Variants in TMOD1 observed in about 807,000 individuals in gnomAD.
The protein encoded by TMOD1 is tropomodulin 1, also known as tropomodulin-1.
In TMOD1, 17 loss-of-function variants were observed where a neutral mutation model predicts 40.6. The ratio of observed to expected loss-of-function variants is 0.42; its 90% CI spans 0.29 to 0.63. TMOD1 has a LOEUF of 0.63. Ranked by LOEUF, TMOD1 falls within the 20% of genes least tolerant of loss-of-function variation. The pLI, the probability that TMOD1 is intolerant of heterozygous loss-of-function variation, is 0.22. For missense variants in TMOD1, 391 were observed against 447.6 expected (o/e 0.87, Z 1.14); for synonymous variants, 181 against 175.0 (o/e 1.03, Z -0.27).
intron 9 of TMOD1, among the ~76,000 whole-genome samples, chr9:97,598,817 C>G (rs1361769346): frequency 6.6e-6 from 1 of 152,066 alleles, no homozygotes. Flanking sequence ...GACTTTTTTT[C>G]CCTCCACCAT....
chr9:97,535,000 G>A (rs1288176010), intron 2 of TMOD1, among the ~76,000 whole-genome samples: 2 of 152,218 alleles, frequency 1.3e-5, no homozygotes, highest in African/African-American at 4.8e-5. Flanking sequence ...GGAATATGGA[G>A]CAGCCTGGAG....
intron 2 of TMOD1, among the ~76,000 whole-genome samples, chr9:97,535,104 G>T (rs1254981556): frequency 6.6e-6 from 1 of 152,188 alleles, no homozygotes; most frequent in Non-Finnish European, 1.5e-5. Context: ...AGCTCTTCAT[G>T]CCTGGCTGAT....
In TMOD1 at chr9:97,562,805, C is replaced by T; in HGVS notation, c.471C>T (p.Asn157=). The T allele has an allele frequency of 6.3e-7, 1 of 1,584,742 alleles. No homozygotes were observed. The highest frequency in any genetic ancestry group is 8.6e-7 in the Non-Finnish European group (1 of 1,169,250). The change falls in exon 5 of 10, where the codon AAC becomes AAT. Residue 157 remains asparagine, a synonymous_variant. Coordinates refer to ENST00000259365, the MANE Select transcript of TMOD1 (RefSeq NM_003275.4). ...YQALSSSSIM[N]KEGLNSVIKP... ...CCCTGAGCAGCAGCTCCATCATGAA[C>T]AAGGAGGGGCTCAACAGTGAGTATG...
At chr9:97,580,018 G>A (rs1825708688) in intron 8 of TMOD1, among the ~76,000 whole-genome samples, 1 of 152,146 alleles carries the variant, frequency 6.6e-6, no homozygotes, top group African/African-American at 2.4e-5. Context: ...AGATAAACAG[G>A]CCGAGTAAGG....
At position 97,594,680 on chromosome 9, in the gene TMOD1, G is replaced by A. The variant is rs373748405; in HGVS notation, c.1015+3245G>A. 2.2e-4 allele frequency among the ~76,000 whole-genome samples: 33 copies of A among 152,342 alleles called. No individual in the cohort carries two copies. In the South Asian group the frequency reaches 6.6e-3, roughly 31 times the overall value. On this transcript the variant is annotated intron_variant, in intron 9 of 9. Coordinates refer to ENST00000259365, the MANE Select transcript of TMOD1 (RefSeq NM_003275.4). ...AGGCGGTATGCCCAGGATGCATCCT[G>A]ACCAGTGCGTCTTCGGTCCTCCCCA...
intron 7 of TMOD1, 83 bp from the exon 8 acceptor site, chr9:97,568,811 G>A (rs1051918009): frequency 6.6e-7 from 1 of 1,508,844 alleles, no homozygotes. Context: ...TGTTCCCCTA[G>A]GTGTCTTAGG....
At chr9:97,509,473 G>A (rs1398363345) in intron 1 of TMOD1, among the ~76,000 whole-genome samples, 1 of 147,330 alleles carries the variant, frequency 6.8e-6, no homozygotes, top group Non-Finnish European at 1.5e-5. Context: ...CGTTTTGGGG[G>A]TTTTGGGTTT....
At position 97,546,235 on chromosome 9, in the gene TMOD1, G is replaced by A. The variant is rs182994004; in HGVS notation, c.171G>A (p.Ala57=). The A allele has an allele frequency of 4.3e-5, 70 of 1,613,918 alleles. No homozygotes were observed. Among genetic ancestry groups the A allele is most frequent in the Admixed American group, 4.3e-4 (26 of 59,986 alleles). ...GLRQKDQTTK[A]PTGPFKREEL... is the part of the protein sequence containing the mutation. ...GGCAGAAGGATCAGACCACCAAGGCGCCCACGGGCCCCTTTAAAAGAGAGG... is the reference window on the plus strand; with the variant it reads ...GGCAGAAGGATCAGACCACCAAGGCACCCACGGGCCCCTTTAAAAGAGAGG... The change falls in exon 3 of 10, where the codon GCG becomes GCA. Residue 57 remains alanine (A), a synonymous_variant. Transcript: ENST00000259365.
intron 2 of TMOD1, among the ~76,000 whole-genome samples, chr9:97,536,339 G>A (rs1025395178): frequency 2.0e-5 from 3 of 152,148 alleles, no homozygotes; most frequent in African/African-American, 7.2e-5. Context: ...GCCTGGCCTG[G>A]CCTGATGTGG....
In TMOD1 at chr9:97,524,246, G is replaced by A. The variant is rs1008259695; in HGVS notation, c.58G>A (p.Gly20Arg). The A allele has an allele frequency of 6.2e-7, 1 of 1,614,196 alleles. No individual in the cohort carries two copies. Among genetic ancestry groups the A allele is most frequent in the African/African-American group, 1.3e-5 (1 of 75,046 alleles). ...YRDLDEDEIL[G>R]ALTEEELRTL... ...TGACCTGGATGAAGATGAAATCCTT[G>A]GAGCCCTAACAGAGGAAGAGCTGAG... The change falls in exon 2 of 10, where the codon GGA (glycine) becomes AGA (arginine). Residue 20 changes from glycine (G) to arginine (R), a missense_variant. Gly to Arg is a moderately radical substitution (Grantham distance 125). Coordinates refer to ENST00000259365, the MANE Select transcript of TMOD1 (RefSeq NM_003275.4).
intron 2 of TMOD1, among the ~76,000 whole-genome samples, chr9:97,541,297 C>G (rs887656156): frequency 1.3e-5 from 2 of 152,154 alleles, no homozygotes; most frequent in Non-Finnish European, 2.9e-5. Context: ...AAAGGATCCT[C>G]CCACCTTAGC....
At chr9:97,548,283 C>T (rs538215557) in intron 3 of TMOD1, among the ~76,000 whole-genome samples, 26 of 152,238 alleles carry the variant, frequency 1.7e-4, no homozygotes, top group South Asian at 1.7e-3. Flanking sequence ...AAAATGAGTA[C>T]GCACATGGGG....
chr9:97,519,957 C>T (rs149798529), intron 1 of TMOD1, among the ~76,000 whole-genome samples: 135 of 152,138 alleles, frequency 8.9e-4, no homozygotes, highest in African/African-American at 3.1e-3. Context: ...CTTACGGGGG[C>T]GAGTACGGTT....
At chr9:97,549,133 G>A (rs1365302933) in intron 3 of TMOD1, among the ~76,000 whole-genome samples, 1 of 152,226 alleles carries the variant, frequency 6.6e-6, no homozygotes, top group Non-Finnish European at 1.5e-5. Context: ...GTTTTCATTA[G>A]AATTAGATTT....
intron 9 of TMOD1, among the ~76,000 whole-genome samples, chr9:97,593,461 G>T (rs1228138604): frequency 6.6e-6 from 1 of 152,102 alleles, no homozygotes; most frequent in Admixed American, 6.6e-5. Context: ...TGGGGTGGGG[G>T]TAGGGGGTCT....
intron 5 of TMOD1, among the ~76,000 whole-genome samples, chr9:97,563,640 G>A (rs1830674000): frequency 6.6e-6 from 1 of 152,056 alleles, no homozygotes; most frequent in African/African-American, 2.4e-5. Flanking sequence ...AAACAGAAAT[G>A]AGGCTGCCAA....
At chr9:97,553,541 A>G in intron 4 of TMOD1, 141 bp downstream of exon 4, 1 of 1,254,694 alleles carries the variant, frequency 8.0e-7, no homozygotes, top group Non-Finnish European at 1.1e-6. Flanking sequence ...TGTTCAAACA[A>G]CAATCCATTC....
intron 3 of TMOD1, 35 bp downstream of exon 3, chr9:97,546,376 C>T (rs768888576): frequency 1.9e-6 from 3 of 1,599,108 alleles, no homozygotes; most frequent in East Asian, 2.2e-5. Flanking sequence ...ATATGCCACT[C>T]CCCATGCACC....
rs190833816 is a variant in TMOD1, at chr9:97,554,051, A to G, written c.397+651A>G. 3.9e-3 allele frequency among the ~76,000 whole-genome samples: 592 copies of G among 152,180 alleles called. 12 individuals carry two copies. The highest frequency in any genetic ancestry group is 0.035 in the Admixed American group (528 of 15,278). ...GCTGTGGTGTTCCATCCCCACAGGAAGGTCAGGCTCTGGCCACATCCGGCA... is the reference window on the plus strand; with the variant it reads ...GCTGTGGTGTTCCATCCCCACAGGAGGGTCAGGCTCTGGCCACATCCGGCA... On this transcript the variant is annotated intron_variant, in intron 4 of 9. Coordinates refer to ENST00000259365, the MANE Select transcript of TMOD1 (RefSeq NM_003275.4).
Sources: allele counts gnomAD v4.1 joint callset (sites outside exome capture counted in the v4.1 genomes callset), GRCh38; gene constraint gnomAD v4.1.1; transcripts MANE v1.5; gene names NCBI Gene and HGNC (gene_info 2026-07-23, HGNC 2026-07-21).